Variants in BMP5 observed in about 807,000 individuals in gnomAD.
BMP5 encodes bone morphogenetic protein 5.
In BMP5, 23 loss-of-function variants were observed where a neutral mutation model predicts 46.6. The observed-to-expected ratio is 0.49, with a 90% CI of 0.35 to 0.70. The LOEUF (loss-of-function observed/expected upper bound fraction) is 0.70, where lower values mean the gene tolerates loss of function less well. Ranked by LOEUF, BMP5 falls within the 30% of genes least tolerant of loss-of-function variation. BMP5 has a pLI of 0.00. For synonymous variants in BMP5, 204 were observed against 191.9 expected (o/e 1.06, Z -0.52); for missense variants, 545 against 565.6 (o/e 0.96, Z 0.37).
chr6:55,797,261 A>G (rs1301991834), intron 2 of BMP5, among the ~76,000 whole-genome samples: 1 of 152,216 alleles, frequency 6.6e-6, no homozygotes, highest in Non-Finnish European at 1.5e-5. Flanking sequence ...TATGGCACTT[A>G]TACTACCGGG....
chr6:55,759,260 G>A (rs1311555620), intron 5 of BMP5, 145 bp from the exon 6 acceptor site: 1 of 587,050 alleles, frequency 1.7e-6, no homozygotes, highest in East Asian at 2.9e-5. Flanking sequence ...TATCTGAATA[G>A]GTTTCTATTC....
intron 1 of BMP5, among the ~76,000 whole-genome samples, chr6:55,867,072 C>T (rs1003054014): frequency 1.3e-5 from 2 of 152,128 alleles, no homozygotes; most frequent in Non-Finnish European, 2.9e-5. Flanking sequence ...CCACATTTCC[C>T]TATTCTGCTA....
At chr6:55,777,921 T>TTC (rs1280914973) in intron 3 of BMP5, among the ~76,000 whole-genome samples, 5 of 152,030 alleles carry the variant, frequency 3.3e-5, no homozygotes, top group Non-Finnish European at 7.4e-5. Flanking sequence ...TGAACAAAGA[T>TTC]TCTCTCTATA....
chr6:55,830,210 A>G (rs1200848241), intron 1 of BMP5, among the ~76,000 whole-genome samples: 1 of 152,216 alleles, frequency 6.6e-6, no homozygotes, highest in East Asian at 1.9e-4. Context: ...GAGTTACTTC[A>G]GAACATATGT....
rs991375240 is a variant in BMP5 at position 55,760,523 on chromosome 6, T to C, written c.1038A>G (p.Thr346=). 1 of 1,613,088 alleles carries C rather than the reference T, an allele frequency of 6.2e-7. No individual in the cohort carries two copies. The highest frequency in any genetic ancestry group is 1.7e-5 in the Admixed American group (1 of 59,920). The change falls in exon 5 of 7, where the codon ACA becomes ACG. Residue 346 remains threonine, a synonymous_variant. Transcript: ENST00000370830. ...SRMSSVGDYN[T]SEQKQACKKH... Reference sequence around the variant, plus strand: ...TCTTACAGGCTTGTTTTTGCTCACTTGTGTTATAATCTGAAGATAAAAACC... The same window carrying C: ...TCTTACAGGCTTGTTTTTGCTCACTCGTGTTATAATCTGAAGATAAAAACC...
chr6:55,872,341 C>G (rs904510778), intron 1 of BMP5, among the ~76,000 whole-genome samples: 2 of 151,600 alleles, frequency 1.3e-5, no homozygotes, highest in African/African-American at 4.8e-5. Flanking sequence ...AAGCACTACT[C>G]AGAAGTTCAA....
intron 2 of BMP5, among the ~76,000 whole-genome samples, chr6:55,802,269 C>T (rs772316478): frequency 6.6e-6 from 1 of 152,112 alleles, no homozygotes; most frequent in Non-Finnish European, 1.5e-5. Flanking sequence ...GAAACAGCTA[C>T]CCGGCCACTT....
intron 1 of BMP5, among the ~76,000 whole-genome samples, chr6:55,838,801 C>G (rs1212041330): frequency 2.6e-5 from 4 of 152,162 alleles, no homozygotes; most frequent in Admixed American, 2.6e-4. Flanking sequence ...GCTTTTGCTG[C>G]CATGCTTATC....
chr6:55,787,576 TAGG>T (rs1775478242), intron 3 of BMP5, among the ~76,000 whole-genome samples: 4 of 151,572 alleles, frequency 2.6e-5, no homozygotes, highest in Non-Finnish European at 5.9e-5. Flanking sequence ...ACTGTGCAGG[TAGG>T]AATGAAAAAC....
intron 1 of BMP5, among the ~76,000 whole-genome samples, chr6:55,826,398 T>G (rs1201924995): frequency 6.6e-6 from 1 of 151,802 alleles, no homozygotes; most frequent in Non-Finnish European, 1.5e-5. Flanking sequence ...TATTCTACTA[T>G]AACTAAACAA....
chr6:55,836,863 A>G (rs774055130), intron 1 of BMP5, among the ~76,000 whole-genome samples: 2 of 152,172 alleles, frequency 1.3e-5, no homozygotes, highest in Non-Finnish European at 2.9e-5. Context: ...CTAAAATCTA[A>G]AACGCTTCTT....
intron 3 of BMP5, among the ~76,000 whole-genome samples, chr6:55,786,489 T>C (rs1249191744): frequency 6.6e-6 from 1 of 151,672 alleles, no homozygotes; most frequent in Non-Finnish European, 1.5e-5. Context: ...TTTTTTCTTT[T>C]GTAAAGAGCC....
chr6:55,789,316 A>C (rs1775521334), intron 3 of BMP5, among the ~76,000 whole-genome samples: 1 of 151,994 alleles, frequency 6.6e-6, no homozygotes, highest in Non-Finnish European at 1.5e-5. Context: ...AATGAACCCC[A>C]AAATGCTATC....
chr6:55,781,879 A>T (rs1044771096), intron 3 of BMP5, among the ~76,000 whole-genome samples: 5 of 151,992 alleles, frequency 3.3e-5, no homozygotes, highest in African/African-American at 1.2e-4. Context: ...TCATACAGAA[A>T]ATCTATTTGT....
At position 55,874,556 on chromosome 6, in the gene BMP5, A is replaced by T; in HGVS notation, c.310T>A (p.Ser104Thr). The change falls in exon 1 of 7, where the codon TCC becomes ACC. Residue 104 changes from serine to threonine, a missense_variant. By Grantham distance (58) the Ser-to-Thr change is moderately conservative. Transcript: ENST00000370830. ...PEESEYSVRA[S>T]LAEETRGARK... ...GCCCCTCTGGTCTCTTCTGCCAAGG[A>T]TGCCCTTACTGAGTACTCCGACTCT... The T allele has an allele frequency of 6.2e-7, 1 of 1,613,434 alleles. No homozygotes were observed. The highest frequency in any genetic ancestry group is 8.5e-7 in the Non-Finnish European group (1 of 1,179,688).
chr6:55,841,991 T>C (rs1352433941), intron 1 of BMP5, among the ~76,000 whole-genome samples: 1 of 152,090 alleles, frequency 6.6e-6, no homozygotes, highest in Non-Finnish European at 1.5e-5. Flanking sequence ...CCTTGTCTGC[T>C]AATTCAAATA....
At chr6:55,756,746 AC>A (rs1390377268) in intron 6 of BMP5, among the ~76,000 whole-genome samples, 1 of 151,870 alleles carries the variant, frequency 6.6e-6, no homozygotes, top group African/African-American at 2.4e-5. Flanking sequence ...GCCTCACAAA[AC>A]TAAAAGTTGG....
intron 3 of BMP5, among the ~76,000 whole-genome samples, chr6:55,776,542 G>A (rs1170262441): frequency 6.7e-6 from 1 of 149,536 alleles, no homozygotes; most frequent in Non-Finnish European, 1.5e-5. Flanking sequence ...TTTCTGTCTT[G>A]GAGTACAACA....
intron 1 of BMP5, 117 bp downstream of exon 1, chr6:55,874,259 G>C: frequency 7.6e-7 from 1 of 1,310,920 alleles, no homozygotes; most frequent in South Asian, 1.2e-5. Context: ...AGCTAAACAG[G>C]AGAGTTAGAG....
Sources: gnomAD v4.1 joint callset for allele counts (sites outside exome capture counted in the v4.1 genomes callset) on GRCh38, gnomAD v4.1.1 for gene constraint, MANE v1.5 for transcripts, NCBI Gene and HGNC (gene_info 2026-07-23, HGNC 2026-07-21) for gene names.